PLXNA2: variants seen among roughly 807,000 people sequenced by gnomAD.
PLXNA2 encodes the protein plexin-A2.
A neutral mutation model predicts 193.5 loss-of-function variants in PLXNA2; 91 were observed. The observed-to-expected ratio is 0.47, with a 90% CI of 0.40 to 0.56. The LOEUF (loss-of-function observed/expected upper bound fraction) is 0.56. Ranked by LOEUF, PLXNA2 falls within the 20% of genes least tolerant of loss-of-function variation. The pLI is 0.00. For missense variants in PLXNA2, 1,995 were observed against 2,503.2 expected (o/e 0.80, Z 4.33); for synonymous variants, 997 against 1,027.3 (o/e 0.97, Z 0.56).
chr1:208,166,392 C>A (rs947533963), intron 3 of PLXNA2, among the ~76,000 whole-genome samples: 1 of 152,146 alleles, frequency 6.6e-6, no homozygotes, highest in South Asian at 2.1e-4. Context: ...TCCCAAAAGA[C>A]AAAAAGACAT....
At position 208,167,358 on chromosome 1, in the gene PLXNA2, C is replaced by A. The variant is rs188716302; in HGVS notation, c.1372-24895G>T. Among the ~76,000 whole-genome samples the A allele has an allele frequency of 2.5e-4, 38 of 152,330 alleles. No homozygotes were observed. In the East Asian group the frequency reaches 5.0e-3, roughly 20 times the overall value. On this transcript the variant is annotated intron_variant, in intron 3 of 31. Coordinates refer to ENST00000367033, the MANE Select transcript of PLXNA2 (RefSeq NM_025179.4). ...TTAACTAAGTAGTTTTGAATGTACT[C>A]CATTGCACCTCATTGTCTGCAGCTG...
At chr1:208,141,159 T>A (rs1445501649) in intron 4 of PLXNA2, among the ~76,000 whole-genome samples, 7 of 152,220 alleles carry the variant, frequency 4.6e-5, no homozygotes, top group Non-Finnish European at 8.8e-5. Flanking sequence ...ATCGTATGAT[T>A]TACGTCATCT....
intron 29 of PLXNA2, 135 bp downstream of exon 29, chr1:208,031,455 G>C: frequency 8.8e-7 from 1 of 1,139,758 alleles, no homozygotes; most frequent in Non-Finnish European, 1.2e-6. Context: ...TGCACTGTTT[G>C]TTCCAGGAGC....
intron 3 of PLXNA2, among the ~76,000 whole-genome samples, chr1:208,198,627 C>A (rs895339260): frequency 2.0e-5 from 3 of 152,182 alleles, no homozygotes; most frequent in African/African-American, 7.2e-5. Flanking sequence ...CAGCGTGTGC[C>A]GAGGTGACAG....
At chr1:208,127,634 G>A (rs779422484) in intron 4 of PLXNA2, among the ~76,000 whole-genome samples, 3 of 152,186 alleles carry the variant, frequency 2.0e-5, no homozygotes, top group Admixed American at 6.5e-5. Context: ...CCAGCCAGCC[G>A]GGCTGGGAGC....
chr1:208,066,116 A>G (rs1320208956), intron 12 of PLXNA2, among the ~76,000 whole-genome samples: 1 of 152,126 alleles, frequency 6.6e-6, no homozygotes, highest in Admixed American at 6.6e-5. Context: ...TCAAATCAGC[A>G]GGGAAGATCT....
chr1:208,040,096 A>G, intron 22 of PLXNA2, 38 bp from the exon 23 acceptor site: 2 of 1,547,936 alleles, frequency 1.3e-6, no homozygotes, highest in Non-Finnish European at 1.8e-6. Context: ...AGTCCTTCAC[A>G]GAGGGGTCTC....
At chr1:208,175,233 A>C (rs1038935101) in intron 3 of PLXNA2, among the ~76,000 whole-genome samples, 4 of 152,174 alleles carry the variant, frequency 2.6e-5, no homozygotes, top group African/African-American at 9.7e-5. Flanking sequence ...AGAAGGCTAA[A>C]GGGTGGAGGG....
intron 9 of PLXNA2, among the ~76,000 whole-genome samples, chr1:208,086,638 CGAGA>C (rs1558184749): frequency 2.6e-5 from 4 of 151,968 alleles, no homozygotes; most frequent in Admixed American, 1.3e-4. Flanking sequence ...ACGGCATCCA[CGAGA>C]GAGAATCACA....
chr1:208,226,881 C>T (rs928872651), intron 1 of PLXNA2, among the ~76,000 whole-genome samples: 5 of 152,220 alleles, frequency 3.3e-5, no homozygotes, highest in South Asian at 4.1e-4. Context: ...GCCACCTCCC[C>T]GCTGGGTCAG....
At chr1:208,143,410 C>T (rs1016294803) in intron 3 of PLXNA2, among the ~76,000 whole-genome samples, 3 of 152,220 alleles carry the variant, frequency 2.0e-5, no homozygotes, top group African/African-American at 7.2e-5. Context: ...AACAAATTCC[C>T]CAGCTGATGC....
rs1664332129 is a variant in PLXNA2, at chr1:208,025,981, TC to T, written c.*1261del. 6.6e-6 allele frequency: 1 copy of T among 152,608 alleles called. No individual in the cohort carries two copies. The highest frequency in any genetic ancestry group is 2.4e-5 in the African/African-American group (1 of 41,448). 9.5% of individuals were successfully genotyped at this position (152,608 alleles called of 1,614,324 possible). A position where few individuals can be genotyped will look rare whatever the true frequency, so the allele number is the denominator to read the frequency against. ...TTCCGTATATGAGCGAAGGGTGGTCTCCCCTCTCCAGGCACGAGAGAATGAA... is the reference window on the plus strand; with the variant it reads ...TTCCGTATATGAGCGAAGGGTGGTCTCCCTCTCCAGGCACGAGAGAATGAA... On this transcript the variant is annotated 3_prime_UTR_variant, in exon 32 of 32. Transcript: ENST00000367033.
chr1:208,098,534 T>C (rs1013250419), intron 6 of PLXNA2, among the ~76,000 whole-genome samples: 1 of 149,196 alleles, frequency 6.7e-6, no homozygotes, highest in East Asian at 2.0e-4. Context: ...GAGTGGAGAA[T>C]TGTAAATGCA....
At chr1:208,043,505 C>G (rs1377794960) in intron 20 of PLXNA2, among the ~76,000 whole-genome samples, 1 of 152,184 alleles carries the variant, frequency 6.6e-6, no homozygotes, top group Non-Finnish European at 1.5e-5. Flanking sequence ...TAGTAAAGAT[C>G]ACGGAGATGC....
chr1:208,152,052 C>A (rs1668782667), intron 3 of PLXNA2, among the ~76,000 whole-genome samples: 1 of 152,204 alleles, frequency 6.6e-6, no homozygotes, highest in South Asian at 2.1e-4. Context: ...AGGGTTATTA[C>A]TCTCTTTAAT....
chr1:208,235,097 A>T (rs577698749), intron 1 of PLXNA2, among the ~76,000 whole-genome samples: 59 of 152,162 alleles, frequency 3.9e-4, no homozygotes, highest in African/African-American at 1.3e-3. Flanking sequence ...ATTCATGTAC[A>T]CTCTCAGAGC....
At chr1:208,079,167 T>C in intron 12 of PLXNA2, 93 bp downstream of exon 12, 1 of 1,101,004 alleles carries the variant, frequency 9.1e-7, no homozygotes, top group Non-Finnish European at 1.3e-6. Context: ...CGCCAATAAT[T>C]TGTCCACAGA....
At chr1:208,161,200 C>T (rs1488783603) in intron 3 of PLXNA2, among the ~76,000 whole-genome samples, 2 of 152,178 alleles carry the variant, frequency 1.3e-5, no homozygotes, top group Non-Finnish European at 2.9e-5. Context: ...TGGCAGAAAG[C>T]AGCAGGGATC....
intron 3 of PLXNA2, among the ~76,000 whole-genome samples, chr1:208,207,240 A>T (rs1413513585): frequency 6.6e-6 from 1 of 152,200 alleles, no homozygotes; most frequent in South Asian, 2.1e-4. Context: ...TCCTGACCTC[A>T]GGTGATCCAC....
Sources: gnomAD v4.1 joint callset for allele counts (sites outside exome capture counted in the v4.1 genomes callset) on GRCh38, gnomAD v4.1.1 for gene constraint, MANE v1.5 for transcripts, NCBI Gene and HGNC (gene_info 2026-07-23, HGNC 2026-07-21) for gene names.